The following BNC2 variants were observed in gnomAD, a reference collection of about 807,000 sequenced individuals.
BNC2 encodes the protein zinc finger protein basonuclin-2.
A neutral mutation model predicts 76.3 loss-of-function variants in BNC2; 20 were observed. The observed-to-expected ratio is 0.26, with a 90% CI of 0.18 to 0.38. The LOEUF is 0.38. BNC2 is among the 10% of genes least tolerant of loss of function. The probability of loss-of-function intolerance (pLI) is 1.00; values close to 1 mark genes in which losing one functional copy is unlikely to be tolerated. For synonymous variants in BNC2, 582 were observed against 514.8 expected, an observed-to-expected ratio of 1.13 and a Z score of -1.77; for missense variants, 1,382 against 1,399.8, an observed-to-expected ratio of 0.99 and a Z score of 0.20.
In BNC2 at chr9:16,492,935, T is replaced by C. The variant is rs182361217; in HGVS notation, c.670-55411A>G. On this transcript the variant is annotated intron_variant, in intron 5 of 6. Coordinates refer to ENST00000380672, the MANE Select transcript of BNC2 (RefSeq NM_017637.6). ...TTTTACAGGCATCACTAAGATGAAA[T>C]TCGTGATCATTAGTATAAATAACAT... 1.8e-3 allele frequency among the ~76,000 whole-genome samples: 280 copies of C among 152,238 alleles called. 1 individual carries two copies. The highest frequency in any genetic ancestry group is 6.1e-3 in the African/African-American group (254 of 41,550).
chr9:16,514,384 A>G (rs1822830077), intron 5 of BNC2, among the ~76,000 whole-genome samples: 1 of 152,224 alleles, frequency 6.6e-6, no homozygotes, highest in Non-Finnish European at 1.5e-5. Flanking sequence ...GGACAACAAA[A>G]GGAAGTGGGG....
intron 4 of BNC2, among the ~76,000 whole-genome samples, chr9:16,555,789 C>A (rs527326883): frequency 1.3e-5 from 2 of 151,266 alleles, no homozygotes; most frequent in South Asian, 2.1e-4. Context: ...AGAGTGAGAC[C>A]CTGTCTCAAA....
rs112023389 is a variant in BNC2 at position 16,417,731 on chromosome 9, G to A, written c.*1258C>T. 1.3e-5 allele frequency: 2 copies of A among 152,636 alleles called. No individual in the cohort carries two copies. Among genetic ancestry groups the A allele is most frequent in the Non-Finnish European group, 2.9e-5 (2 of 68,038 alleles). 9.5% of individuals were successfully genotyped at this position (152,636 alleles called of 1,614,324 possible). ...TGTATTCATCTTTGTTCCGTAGCGGGTAATTTGGGCTTTTGTATCCTGAAA... is the reference window on the plus strand; with the variant it reads ...TGTATTCATCTTTGTTCCGTAGCGGATAATTTGGGCTTTTGTATCCTGAAA... On this transcript the variant is annotated 3_prime_UTR_variant, in exon 7 of 7. Coordinates refer to ENST00000380672, the MANE Select transcript of BNC2 (RefSeq NM_017637.6).
At chr9:16,650,201 T>C (rs905488316) in intron 3 of BNC2, among the ~76,000 whole-genome samples, 3 of 152,180 alleles carry the variant, frequency 2.0e-5, no homozygotes, top group African/African-American at 7.2e-5. Flanking sequence ...AAAACAATAT[T>C]GACTGTCTGC....
chr9:16,490,618 T>C (rs887331332), intron 5 of BNC2, among the ~76,000 whole-genome samples: 8 of 152,152 alleles, frequency 5.3e-5, no homozygotes, highest in African/African-American at 1.9e-4. Flanking sequence ...CTGTTTTCCA[T>C]TAGACTGTGA....
At chr9:16,502,801 T>A (rs1822548493) in intron 5 of BNC2, among the ~76,000 whole-genome samples, 1 of 152,176 alleles carries the variant, frequency 6.6e-6, no homozygotes, top group Admixed American at 6.6e-5. Context: ...GAAAAGAAAG[T>A]CTGTGAATTG....
intron 5 of BNC2, among the ~76,000 whole-genome samples, chr9:16,521,383 G>A (rs926445005): frequency 7.2e-5 from 11 of 152,226 alleles, no homozygotes; most frequent in African/African-American, 2.4e-4. Flanking sequence ...GGACAATGTT[G>A]CTGATTTGGC....
chr9:16,665,434 A>AAAGG (rs1440071746), intron 3 of BNC2, among the ~76,000 whole-genome samples: 5 of 116,098 alleles, frequency 4.3e-5, no homozygotes, highest in African/African-American at 1.7e-4. Flanking sequence ...GAAAGGAAAG[A>AAAGG]AAAGAAAGAA....
rs79951375 is a variant in BNC2 at position 16,615,045 on chromosome 9, T to C, written c.331-31960A>G. Among the ~76,000 whole-genome samples the C allele has an allele frequency of 8.9e-3, 1,299 of 145,772 alleles. 32 individuals are homozygous for C. Among genetic ancestry groups the C allele is most frequent in the South Asian group, 0.076 (347 of 4,578 alleles). ...TACCTTTCCACATACAAGAACAGTC[T>C]GCAGACACACCAGCATGCCCCAAAT... On this transcript the variant is annotated intron_variant, in intron 3 of 6. Transcript: ENST00000380672.
intron 6 of BNC2, among the ~76,000 whole-genome samples, chr9:16,428,670 T>C (rs1820847676): frequency 6.6e-6 from 1 of 152,186 alleles, no homozygotes; most frequent in African/African-American, 2.4e-5. Flanking sequence ...ACTTGTCTTT[T>C]TTTTTCTTTC....
In BNC2 at chr9:16,727,956, C is replaced by T; in HGVS notation, c.171G>A (p.Gln57=). 1.9e-6 allele frequency: 3 copies of T among 1,614,084 alleles called. No individual in the cohort carries two copies. The highest frequency in any genetic ancestry group is 2.5e-6 in the Non-Finnish European group (3 of 1,180,010). ...AEVDVRERET[Q]RDREPKRARD... Reference sequence around the variant, plus strand: ...TTGCCCTCTTTGGCTCTCTGTCTCTCTGTGTCTCTCTTTCTCTCACATCCA... The same window carrying T: ...TTGCCCTCTTTGGCTCTCTGTCTCTTTGTGTCTCTCTTTCTCTCACATCCA... Residue 57 remains glutamine, a synonymous_variant, in exon 3 of 7, where the codon CAG becomes CAA. Transcript: ENST00000380672.
chr9:16,861,277 C>G (rs1246660069), intron 1 of BNC2, among the ~76,000 whole-genome samples: 1 of 150,536 alleles, frequency 6.6e-6, no homozygotes, highest in Non-Finnish European at 1.5e-5. Flanking sequence ...TTTCTTGAGC[C>G]CAGGAGTTCA....
rs770204305 is a variant in BNC2, at chr9:16,485,083, T to TACAC, written c.670-47563_670-47560dup. Among the ~76,000 whole-genome samples the TACAC allele has an allele frequency of 4.3e-3, 600 of 139,772 alleles. 3 individuals carry two copies. Among genetic ancestry groups the TACAC allele is most frequent in the Middle Eastern group, 0.017 (5 of 286 alleles). The allele number at this position is 139,772 out of a possible 152,430, so 91.7% of individuals were successfully genotyped here. On this transcript the variant is annotated intron_variant, in intron 5 of 6. Coordinates refer to ENST00000380672, the MANE Select transcript of BNC2 (RefSeq NM_017637.6). The stretch of plus-strand genomic sequence containing the variant: ...ATCATTCCTGTGCTTCCAGAGAAAT[T>TACAC]ACACACACACACACAGAGACACACA...
intron 4 of BNC2, among the ~76,000 whole-genome samples, chr9:16,574,403 ATTACTATAATT>A (rs1819425267): frequency 6.6e-6 from 1 of 152,184 alleles, no homozygotes; most frequent in Admixed American, 6.5e-5. Flanking sequence ...GCAGGTAAAT[ATTACTATAATT>A]TATTTTAACT....
intron 1 of BNC2, chr9:16,832,243 C>A: frequency 7.9e-7 from 1 of 1,262,694 alleles, no homozygotes; most frequent in Non-Finnish European, 1.0e-6. Flanking sequence ...TAGTTAAATA[C>A]CAGTAGAAGA....
At chr9:16,455,210 G>A (rs1821420631) in intron 5 of BNC2, among the ~76,000 whole-genome samples, 1 of 152,288 alleles carries the variant, frequency 6.6e-6, no homozygotes, top group Non-Finnish European at 1.5e-5. Flanking sequence ...AAAACAATAT[G>A]TAGTTGAGTC....
intron 5 of BNC2, among the ~76,000 whole-genome samples, chr9:16,499,188 C>A (rs535063344): frequency 1.4e-5 from 2 of 143,778 alleles, no homozygotes; most frequent in East Asian, 4.1e-4. Flanking sequence ...AGAATTAAAT[C>A]TCACTTAATT....
intron 3 of BNC2, among the ~76,000 whole-genome samples, chr9:16,665,411 AAAAGAAAG>A: frequency 8.7e-6 from 1 of 115,506 alleles, no homozygotes; most frequent in South Asian, 4.0e-4. Flanking sequence ...AGAAAGAGAG[AAAAGAAAG>A]GAAAGAAAGG....
intron 1 of BNC2, among the ~76,000 whole-genome samples, chr9:16,742,470 G>C (rs754254534): frequency 6.6e-6 from 1 of 152,158 alleles, no homozygotes. Context: ...GGAAATGATG[G>C]GTTCCATCAC....
Sources: gnomAD v4.1 joint callset for allele counts (sites outside exome capture counted in the v4.1 genomes callset) on GRCh38, gnomAD v4.1.1 for gene constraint, MANE v1.5 for transcripts, NCBI Gene and HGNC (gene_info 2026-07-23, HGNC 2026-07-21) for gene names.